UCHL3: variants seen among roughly 807,000 people sequenced by gnomAD.
The protein encoded by UCHL3 is ubiquitin C-terminal hydrolase L3.
In UCHL3, 22 loss-of-function variants were observed where a neutral mutation model predicts 35.8. The observed-to-expected ratio is 0.61, with a 90% CI of 0.44 to 0.88. The LOEUF is 0.88. Among genes scored for constraint, UCHL3 ranks in the 40% least tolerant of loss-of-function variants. UCHL3 has a pLI of 0.00. For synonymous variants in UCHL3, 90 were observed against 92.8 expected (o/e 0.97, Z 0.17); for missense variants, 229 against 276.9 (o/e 0.83, Z 1.23).
In UCHL3 at chr13:75,605,902, T is replaced by A; in HGVS notation, c.*90T>A. ...AACTCAAAAATTTTGATATTTTCAT[T>A]AACTTGATGATTAAACTTTATGTGA... On this transcript the variant is annotated 3_prime_UTR_variant, in exon 9 of 9. Transcript: ENST00000377595. 1.6e-6 allele frequency: 2 copies of A among 1,261,518 alleles called. No individual in the cohort carries two copies. Among genetic ancestry groups the A allele is most frequent in the Non-Finnish European group, 2.3e-6 (2 of 878,308 alleles). 78.1% of individuals were successfully genotyped at this position (1,261,518 alleles called of 1,614,324 possible).
intron 2 of UCHL3, among the ~76,000 whole-genome samples, 190 bp from the exon 3 acceptor site, chr13:75,560,563 G>A (rs1321447332): frequency 6.6e-6 from 1 of 152,152 alleles, no homozygotes; most frequent in Non-Finnish European, 1.5e-5. Context: ...GCATTGTGAT[G>A]TTTTGATATG....
chr13:75,562,373 C>T (rs1479773588), intron 3 of UCHL3, among the ~76,000 whole-genome samples: 2 of 152,078 alleles, frequency 1.3e-5, no homozygotes, highest in Non-Finnish European at 2.9e-5. Context: ...CAAACCCCTA[C>T]ACAATGGTAA....
At chr13:75,553,859 T>C (rs774669474) in intron 2 of UCHL3, among the ~76,000 whole-genome samples, 10 of 152,234 alleles carry the variant, frequency 6.6e-5, no homozygotes, top group Non-Finnish European at 1.5e-4. Flanking sequence ...CTTCCCCATC[T>C]TCCAAGGGCA....
intron 6 of UCHL3, among the ~76,000 whole-genome samples, chr13:75,584,615 C>G (rs71433193): frequency 1.7e-3 from 262 of 152,162 alleles, no homozygotes; most frequent in Non-Finnish European, 3.5e-3. Flanking sequence ...GGCTTTTAAC[C>G]AAAAGCATTC....
At chr13:75,586,759 T>C (rs1313904967) in intron 6 of UCHL3, among the ~76,000 whole-genome samples, 2 of 151,882 alleles carry the variant, frequency 1.3e-5, no homozygotes, top group Non-Finnish European at 2.9e-5. Flanking sequence ...TATTCAATAG[T>C]ACACTTCTAA....
intron 6 of UCHL3, among the ~76,000 whole-genome samples, chr13:75,579,374 T>A (rs1289275890): frequency 3.3e-5 from 5 of 152,098 alleles, no homozygotes; most frequent in African/African-American, 1.2e-4. Flanking sequence ...TTTTCTTTAT[T>A]TCAACATGAC....
At chr13:75,589,621 T>C (rs1219736290) in intron 6 of UCHL3, among the ~76,000 whole-genome samples, 1 of 152,212 alleles carries the variant, frequency 6.6e-6, no homozygotes, top group African/African-American at 2.4e-5. Flanking sequence ...GTGTTACTTT[T>C]TAAAAACATT....
chr13:75,550,500 C>T (rs1329444409), intron 2 of UCHL3, among the ~76,000 whole-genome samples: 1 of 152,158 alleles, frequency 6.6e-6, no homozygotes, highest in African/African-American at 2.4e-5. Flanking sequence ...CTTTATCTTC[C>T]AGTCTTTTAA....
chr13:75,579,154 A>T (rs1052178409), intron 6 of UCHL3, among the ~76,000 whole-genome samples: 2 of 152,104 alleles, frequency 1.3e-5, no homozygotes, highest in Non-Finnish European at 2.9e-5. Context: ...TTTGGAATTT[A>T]TTTCCTCTTC....
intron 3 of UCHL3, among the ~76,000 whole-genome samples, chr13:75,563,795 G>T (rs1347165608): frequency 6.6e-6 from 1 of 151,982 alleles, no homozygotes; most frequent in Admixed American, 6.5e-5. Flanking sequence ...GCTTTTCCAT[G>T]TATCAGTGAT....
At chr13:75,598,576 G>T (rs193142586) in intron 7 of UCHL3, among the ~76,000 whole-genome samples, 95 of 152,284 alleles carry the variant, frequency 6.2e-4, no homozygotes, top group Non-Finnish European at 1.0e-3. Flanking sequence ...TATAGGGCCA[G>T]TTACTTTGAG....
Position 75,600,246 on chromosome 13 carries a change from G to A in UCHL3, c.551-4523G>A, listed in dbSNP as rs576644138. 1.8e-4 allele frequency among the ~76,000 whole-genome samples: 27 copies of A among 152,350 alleles called. 1 individual carries two copies. The South Asian group carries it at 5.2e-3, about 29-fold the overall frequency. On this transcript the variant is annotated intron_variant, in intron 7 of 8. Transcript: ENST00000377595. ...TGGTGAAGCAGCATATGCTGATGGA[G>A]AAGCTGCAAGTTATCCAGAAGATCA...
intron 3 of UCHL3, among the ~76,000 whole-genome samples, chr13:75,565,972 C>T (rs1837432614): frequency 6.6e-6 from 1 of 152,188 alleles, no homozygotes; most frequent in South Asian, 2.1e-4. Context: ...ATTGCTTTTA[C>T]AACCAGTTAT....
At chr13:75,583,274 A>G (rs908253992) in intron 6 of UCHL3, among the ~76,000 whole-genome samples, 1 of 152,210 alleles carries the variant, frequency 6.6e-6, no homozygotes, top group Non-Finnish European at 1.5e-5. Flanking sequence ...GTTGTAAAAC[A>G]TTAGTCACAT....
At chr13:75,571,898 T>A (rs940439716) in intron 6 of UCHL3, among the ~76,000 whole-genome samples, 3 of 151,778 alleles carry the variant, frequency 2.0e-5, no homozygotes, top group African/African-American at 7.3e-5. Context: ...AAAAAAAAAA[T>A]GTTTGAGAAT....
intron 6 of UCHL3, among the ~76,000 whole-genome samples, chr13:75,575,589 A>G (rs1236521982): frequency 6.6e-6 from 1 of 152,156 alleles, no homozygotes; most frequent in East Asian, 1.9e-4. Context: ...TCCCCCTTCT[A>G]TAGATGAGGC....
At chr13:75,569,603 GT>G in intron 6 of UCHL3, 96 bp downstream of exon 6, 1 of 1,140,896 alleles carries the variant, frequency 8.8e-7, no homozygotes, top group Non-Finnish European at 1.2e-6. Context: ...AGGACATAAA[GT>G]TTTAGAAAGT....
At chr13:75,553,738 CAG>C (rs1203611316) in intron 2 of UCHL3, among the ~76,000 whole-genome samples, 5 of 152,214 alleles carry the variant, frequency 3.3e-5, no homozygotes, top group Non-Finnish European at 5.9e-5. Context: ...CCTGTATATT[CAG>C]CTAACTCTTT....
intron 7 of UCHL3, among the ~76,000 whole-genome samples, chr13:75,602,171 T>C (rs1306373278): frequency 6.6e-6 from 1 of 152,144 alleles, no homozygotes; most frequent in African/African-American, 2.4e-5. Context: ...TATTTCTGTA[T>C]AGTCTCTGTT....
Sources: allele counts gnomAD v4.1 joint callset (sites outside exome capture counted in the v4.1 genomes callset), GRCh38; gene constraint gnomAD v4.1.1; transcripts MANE v1.5; gene names NCBI Gene and HGNC (gene_info 2026-07-23, HGNC 2026-07-21).